Variants in CSMD3 observed in about 807,000 individuals in gnomAD.
The protein encoded by CSMD3 is CUB and sushi domain-containing protein 3.
In CSMD3, 177 loss-of-function variants were observed where a neutral mutation model predicts 435.2. That is an observed-to-expected ratio of 0.41 (90% CI 0.36 to 0.46). CSMD3 has a LOEUF of 0.46. Ranked by LOEUF, CSMD3 falls within the 20% of genes least tolerant of loss-of-function variation. The pLI is 0.34. For synonymous variants in CSMD3, 1,656 were observed against 1,520.5 expected (o/e 1.09, Z -2.07); for missense variants, 4,265 against 4,504.6 (o/e 0.95, Z 1.52).
intron 11 of CSMD3, among the ~76,000 whole-genome samples, chr8:112,833,680 A>G (rs964238469): frequency 2.0e-5 from 3 of 149,804 alleles, no homozygotes; most frequent in Non-Finnish European, 4.4e-5. Flanking sequence ...CTTCCAATAT[A>G]TATGTGTGTA....
intron 35 of CSMD3, among the ~76,000 whole-genome samples, chr8:112,391,921 C>T (rs1173949410): frequency 1.3e-5 from 2 of 152,106 alleles, no homozygotes; most frequent in Non-Finnish European, 2.9e-5. Flanking sequence ...AATAGAATCA[C>T]CTTGATTCTG....
intron 1 of CSMD3, among the ~76,000 whole-genome samples, chr8:113,408,635 A>G (rs1296470909): frequency 6.6e-6 from 1 of 151,994 alleles, no homozygotes; most frequent in African/African-American, 2.4e-5. Flanking sequence ...TACAATAGTT[A>G]CATTTCCACG....
intron 3 of CSMD3, among the ~76,000 whole-genome samples, chr8:113,267,439 G>A (rs2093480469): frequency 6.6e-6 from 1 of 151,736 alleles, no homozygotes; most frequent in Non-Finnish European, 1.5e-5. Context: ...CATGCCATTT[G>A]CAGCAACATC....
intron 5 of CSMD3, among the ~76,000 whole-genome samples, chr8:113,052,522 T>G (rs574849744): frequency 6.6e-6 from 1 of 152,208 alleles, no homozygotes; most frequent in Non-Finnish European, 1.5e-5. Context: ...CCAGGTGTCA[T>G]GGCCCAGCAC....
intron 13 of CSMD3, among the ~76,000 whole-genome samples, chr8:112,787,079 C>A (rs2078563066): frequency 6.6e-6 from 1 of 152,106 alleles, no homozygotes; most frequent in Admixed American, 6.6e-5. Context: ...TTTTTTGTGG[C>A]TGCATAGTAT....
intron 66 of CSMD3, among the ~76,000 whole-genome samples, chr8:112,241,082 T>C (rs533047508): frequency 5.9e-5 from 9 of 152,104 alleles, no homozygotes; most frequent in Non-Finnish European, 1.2e-4. Context: ...GAGCCCTTAC[T>C]ATGGGCTACG....
intron 22 of CSMD3, among the ~76,000 whole-genome samples, chr8:112,590,178 G>A (rs908808296): frequency 6.6e-6 from 1 of 152,072 alleles, no homozygotes; most frequent in Non-Finnish European, 1.5e-5. Flanking sequence ...ATTATGTACT[G>A]GGTGGTGAGG....
chr8:112,272,744 G>C (rs1458719149), intron 59 of CSMD3, among the ~76,000 whole-genome samples: 2 of 152,132 alleles, frequency 1.3e-5, no homozygotes, highest in Non-Finnish European at 2.9e-5. Context: ...GAAGGAATCT[G>C]AAGCACTGAT....
intron 22 of CSMD3, among the ~76,000 whole-genome samples, chr8:112,617,103 A>G (rs750796092): frequency 2.6e-5 from 4 of 152,168 alleles, no homozygotes; most frequent in Admixed American, 6.6e-5. Context: ...TCATCAGGAC[A>G]CTCATTGGAT....
chr8:113,325,892 C>T (rs1393076693), intron 1 of CSMD3, among the ~76,000 whole-genome samples: 1 of 152,038 alleles, frequency 6.6e-6, no homozygotes, highest in African/African-American at 2.4e-5. Flanking sequence ...GGTAGACTTA[C>T]AATAAATAAA....
chr8:113,115,702 GTTATT>G (rs2090803391), intron 4 of CSMD3, among the ~76,000 whole-genome samples: 1 of 152,134 alleles, frequency 6.6e-6, no homozygotes, highest in Non-Finnish European at 1.5e-5. Flanking sequence ...GAAACTTTGT[GTTATT>G]TTGAGATATG....
At chr8:112,472,532 T>C in intron 32 of CSMD3, 59 bp downstream of exon 32, 1 of 889,622 alleles carries the variant, frequency 1.1e-6, no homozygotes, top group Non-Finnish European at 1.9e-6. Flanking sequence ...GAATAGCATG[T>C]AGTGAAAAAT....
In CSMD3 at chr8:112,457,222, A is replaced by G. The variant is rs139261859; in HGVS notation, c.5395+15369T>C. Among the ~76,000 whole-genome samples the G allele has an allele frequency of 3.3e-5, 5 of 152,186 alleles. No individual in the cohort carries two copies. In the East Asian group the frequency reaches 9.7e-4, roughly 30 times the overall value. On this transcript the variant is annotated intron_variant, in intron 32 of 70. Transcript: ENST00000297405. ...ATTAATATTGAAAATAATTGGACACATGCTTGGCTAGTCAGATGGAGTTTT... is the reference window on the plus strand; with the variant it reads ...ATTAATATTGAAAATAATTGGACACGTGCTTGGCTAGTCAGATGGAGTTTT...
At chr8:112,764,054 A>G (rs996814667) in intron 13 of CSMD3, among the ~76,000 whole-genome samples, 1 of 151,638 alleles carries the variant, frequency 6.6e-6, no homozygotes, top group East Asian at 1.9e-4. Context: ...TACTTTTTCT[A>G]CATGGTTTTT....
At chr8:112,380,578 T>A (rs901288769) in intron 37 of CSMD3, 122 bp from the exon 38 acceptor site, 1 of 643,272 alleles carries the variant, frequency 1.6e-6, no homozygotes, top group African/African-American at 1.8e-5. Flanking sequence ...AAGTTGTTTT[T>A]CAAAAAAAAT....
At chr8:112,576,935 G>A (rs1318851799) in intron 23 of CSMD3, among the ~76,000 whole-genome samples, 1 of 151,682 alleles carries the variant, frequency 6.6e-6, no homozygotes, top group East Asian at 1.9e-4. Flanking sequence ...AGTACTTTCA[G>A]GAAAGAAAAA....
chr8:112,415,705 A>G (rs1811835450), intron 32 of CSMD3, among the ~76,000 whole-genome samples: 1 of 152,212 alleles, frequency 6.6e-6, no homozygotes, highest in Non-Finnish European at 1.5e-5. Context: ...AATGCCACAG[A>G]GGTGGAGTTG....
intron 10 of CSMD3, among the ~76,000 whole-genome samples, chr8:112,895,246 A>C (rs1303454043): frequency 2.6e-5 from 4 of 151,430 alleles, no homozygotes; most frequent in African/African-American, 9.7e-5. Context: ...AAGCATAATT[A>C]TTTTAAAAAA....
chr8:112,523,099 C>T (rs374369886), intron 27 of CSMD3, among the ~76,000 whole-genome samples: 5 of 151,744 alleles, frequency 3.3e-5, no homozygotes, highest in Admixed American at 2.0e-4. Context: ...TTCAGAAAAT[C>T]GACTTTTTGG....
Sources: gnomAD v4.1 joint callset for allele counts (sites outside exome capture counted in the v4.1 genomes callset) on GRCh38, gnomAD v4.1.1 for gene constraint, MANE v1.5 for transcripts, NCBI Gene and HGNC (gene_info 2026-07-23, HGNC 2026-07-21) for gene names.